Variants in FAF1 observed in about 807,000 individuals in gnomAD.
FAF1 encodes FAS-associated factor 1.
Under a neutral mutation model 92.5 loss-of-function variants are expected in FAF1, and 25 were observed. The ratio of observed to expected loss-of-function variants is 0.27; its 90% confidence interval spans 0.20 to 0.38. The LOEUF (loss-of-function observed/expected upper bound fraction) is 0.38. FAF1 is among the 10% of genes least tolerant of loss of function. FAF1 has a pLI of 1.00. For missense variants in FAF1, 636 were observed against 793.3 expected (o/e 0.80, Z 2.38); for synonymous variants, 234 against 273.2 (o/e 0.86, Z 1.42).
chr1:50,479,408 C>A (rs888784461), intron 17 of FAF1, among the ~76,000 whole-genome samples: 1 of 151,952 alleles, frequency 6.6e-6, no homozygotes, highest in Non-Finnish European at 1.5e-5. Context: ...CTGTCCCTGA[C>A]GCCACTTAGC....
chr1:50,687,587 TAA>T (rs1656725789), intron 7 of FAF1, among the ~76,000 whole-genome samples: 1 of 151,810 alleles, frequency 6.6e-6, no homozygotes, highest in Admixed American at 6.6e-5. Context: ...CCGTCTCTAC[TAA>T]AAATACAAAA....
rs1049085560 is a variant in FAF1, at chr1:50,805,682, A to G, written c.115-4005T>C. ...CTAGGATATCCTTTCTCTAATATACAGAAAATCTTAACTTTAGTCCTTTTT... is the reference window on the plus strand; with the variant it reads ...CTAGGATATCCTTTCTCTAATATACGGAAAATCTTAACTTTAGTCCTTTTT... On this transcript the variant is annotated intron_variant, in intron 2 of 18. Coordinates refer to ENST00000396153, the MANE Select transcript of FAF1 (RefSeq NM_007051.3). Among the ~76,000 whole-genome samples, 6 of 152,374 alleles carry G rather than the reference A, an allele frequency of 3.9e-5. No individual in the cohort carries two copies. In the South Asian group the frequency reaches 1.2e-3, roughly 32 times the overall value.
At chr1:50,926,746 C>T (rs1645009116) in intron 1 of FAF1, among the ~76,000 whole-genome samples, 4 of 152,120 alleles carry the variant, frequency 2.6e-5, no homozygotes, top group Admixed American at 2.0e-4. Context: ...CCGTATGATC[C>T]AGTAACTGCA....
At chr1:50,657,216 A>C (rs1655155590) in intron 7 of FAF1, among the ~76,000 whole-genome samples, 1 of 152,144 alleles carries the variant, frequency 6.6e-6, no homozygotes, top group Non-Finnish European at 1.5e-5. Flanking sequence ...TGTCTCAAAA[A>C]AAAGAAAAAA....
chr1:50,860,334 T>C (rs1226440320), intron 1 of FAF1, among the ~76,000 whole-genome samples: 1 of 151,624 alleles, frequency 6.6e-6, no homozygotes, highest in African/African-American at 2.4e-5. Flanking sequence ...CAGAATAGGA[T>C]AAAATATTCA....
intron 1 of FAF1, among the ~76,000 whole-genome samples, chr1:50,867,077 A>C (rs1170757788): frequency 6.6e-6 from 1 of 152,146 alleles, no homozygotes; most frequent in African/African-American, 2.4e-5. Context: ...ACAAAAACAT[A>C]AAGTGTGGAA....
rs748185846 is a variant in FAF1, at chr1:50,491,839, C to CT, written c.1495-39dup. ...GATTCAAATATTTTTTGACATATAACTTTTTTTTGAAAAAAAAGAGAAAAA... is the reference window on the plus strand; with the variant it reads ...GATTCAAATATTTTTTGACATATAACTTTTTTTTTGAAAAAAAAGAGAAAAA... On this transcript the variant is annotated intron_variant, in intron 15 of 18. Coordinates refer to ENST00000396153, the MANE Select transcript of FAF1 (RefSeq NM_007051.3). The CT allele has an allele frequency of 2.8e-4, 406 of 1,459,866 alleles. 1 individual carries two copies. Among genetic ancestry groups the CT allele is most frequent in the Middle Eastern group, 8.9e-4 (5 of 5,620 alleles). 90.4% of individuals were successfully genotyped at this position (1,459,866 alleles called of 1,614,324 possible).
intron 8 of FAF1, among the ~76,000 whole-genome samples, chr1:50,646,881 T>C (rs979340907): frequency 6.6e-6 from 1 of 152,244 alleles, no homozygotes; most frequent in African/African-American, 2.4e-5. Flanking sequence ...AGTCTCGCTC[T>C]GTTACCCAGG....
intron 6 of FAF1, among the ~76,000 whole-genome samples, chr1:50,714,236 C>T (rs1658077016): frequency 6.7e-6 from 1 of 150,300 alleles, no homozygotes; most frequent in Admixed American, 6.6e-5. Flanking sequence ...GGTGTCGTGG[C>T]TCACGCCTGT....
chr1:50,623,027 TATC>T (rs1557440893), intron 8 of FAF1, among the ~76,000 whole-genome samples: 1 of 152,160 alleles, frequency 6.6e-6, no homozygotes, highest in African/African-American at 2.4e-5. Flanking sequence ...GGCTCACTAA[TATC>T]ATCTTCTCCT....
At chr1:50,867,341 TAACTA>T (rs1377777380) in intron 1 of FAF1, among the ~76,000 whole-genome samples, 1 of 152,048 alleles carries the variant, frequency 6.6e-6, no homozygotes. Context: ...AGATGAAACT[TAACTA>T]AACTCAAAAG....
chr1:50,687,445 C>T (rs948325160), intron 7 of FAF1, among the ~76,000 whole-genome samples: 13 of 150,664 alleles, frequency 8.6e-5, no homozygotes, highest in African/African-American at 3.2e-4. Flanking sequence ...GGTCAATAAA[C>T]ACATGAAATG....
At chr1:50,700,290 T>C (rs1014803483) in intron 7 of FAF1, among the ~76,000 whole-genome samples, 5 of 152,076 alleles carry the variant, frequency 3.3e-5, no homozygotes, top group African/African-American at 7.2e-5. Context: ...ACCAAATCCA[T>C]TGAGCACAGA....
At chr1:50,834,519 G>A (rs377030108) in intron 2 of FAF1, among the ~76,000 whole-genome samples, 30 of 152,282 alleles carry the variant, frequency 2.0e-4, no homozygotes, top group African/African-American at 5.5e-4. Context: ...AGATAATTGA[G>A]GCCAAGAGAC....
intron 4 of FAF1, among the ~76,000 whole-genome samples, chr1:50,772,694 T>A (rs1660817053): frequency 1.3e-5 from 2 of 152,170 alleles, no homozygotes; most frequent in Non-Finnish European, 2.9e-5. Context: ...CACTGGGGAC[T>A]ACTTGAGAGT....
chr1:50,502,924 A>AT (rs917468937), intron 15 of FAF1, among the ~76,000 whole-genome samples: 34 of 151,248 alleles, frequency 2.2e-4, no homozygotes, highest in Admixed American at 4.6e-4. Context: ...GGCTCAAGTG[A>AT]TTTTTTTTTC....
chr1:50,899,859 GGC>G (rs771408742), intron 1 of FAF1, among the ~76,000 whole-genome samples: 30 of 152,042 alleles, frequency 2.0e-4, no homozygotes, highest in Non-Finnish European at 3.8e-4. Context: ...TTAGTATTAG[GGC>G]TATTTTCCCC....
At chr1:50,453,351 T>C (rs1458242683) in intron 18 of FAF1, among the ~76,000 whole-genome samples, 1 of 152,212 alleles carries the variant, frequency 6.6e-6, no homozygotes, top group Non-Finnish European at 1.5e-5. Flanking sequence ...TGCATTGCTC[T>C]GCACGCAAAC....
At chr1:50,836,324 C>T (rs1235214051) in intron 2 of FAF1, among the ~76,000 whole-genome samples, 4 of 151,378 alleles carry the variant, frequency 2.6e-5, no homozygotes, top group Non-Finnish European at 2.9e-5. Flanking sequence ...GCATGAGTCA[C>T]CATGCCCAGC....
Sources: gnomAD v4.1 joint callset for allele counts (sites outside exome capture counted in the v4.1 genomes callset) on GRCh38, gnomAD v4.1.1 for gene constraint, MANE v1.5 for transcripts, NCBI Gene and HGNC (gene_info 2026-07-23, HGNC 2026-07-21) for gene names.